The following ADGRL3 variants were observed in gnomAD, a reference collection of about 807,000 sequenced individuals.
ADGRL3 encodes the protein calcium-independent alpha-latrotoxin receptor 3.
In ADGRL3, 62 loss-of-function variants were observed where a neutral mutation model predicts 153.5. That is an observed-to-expected ratio of 0.40 (90% CI 0.33 to 0.50). The LOEUF is 0.50. Among genes scored for constraint, ADGRL3 ranks in the 20% least tolerant of loss-of-function variants. The probability of loss-of-function intolerance (pLI) is 0.47; values close to 1 mark genes in which losing one functional copy is unlikely to be tolerated. For synonymous variants in ADGRL3, 710 were observed against 672.5 expected (o/e 1.06, Z -0.86); for missense variants, 1,641 against 1,859.4 (o/e 0.88, Z 2.16).
At chr4:61,590,353 GT>G (rs199580705) in intron 5 of ADGRL3, among the ~76,000 whole-genome samples, 2 of 151,410 alleles carry the variant, frequency 1.3e-5, no homozygotes, top group African/African-American at 2.4e-5. Context: ...ATTTCTTTTT[GT>G]TTTTTTATAT....
chr4:61,358,207 T>A (rs530563423), intron 1 of ADGRL3, among the ~76,000 whole-genome samples: 85 of 152,290 alleles, frequency 5.6e-4, no homozygotes, highest in Non-Finnish European at 1.1e-3. Flanking sequence ...ACCTATAATC[T>A]GTTCTCAACA....
intron 3 of ADGRL3, among the ~76,000 whole-genome samples, chr4:61,512,420 T>A (rs1016856034): frequency 1.3e-5 from 2 of 152,156 alleles, no homozygotes. Context: ...AGCCATCTTG[T>A]GGAGGCTTCG....
chr4:61,532,498 C>T (rs561068129), intron 4 of ADGRL3, among the ~76,000 whole-genome samples: 2 of 150,690 alleles, frequency 1.3e-5, no homozygotes, highest in Admixed American at 6.6e-5. Flanking sequence ...TTCAAGTACT[C>T]ATTTGTAAGT....
At chr4:61,952,844 A>T (rs557593283) in intron 17 of ADGRL3, among the ~76,000 whole-genome samples, 38 of 152,330 alleles carry the variant, frequency 2.5e-4, no homozygotes, top group Admixed American at 7.8e-4. Flanking sequence ...TGCTCAGTTC[A>T]TTGCCTAACA....
At chr4:61,271,048 G>A (rs2093145063) in intron 1 of ADGRL3, among the ~76,000 whole-genome samples, 1 of 151,728 alleles carries the variant, frequency 6.6e-6, no homozygotes, top group African/African-American at 2.4e-5. Context: ...GTAAAGGAAG[G>A]TATTAGTGTT....
In ADGRL3 at chr4:61,965,159, G is replaced by T. The variant is rs7681138; in HGVS notation, c.2806-14404G>T. On this transcript the variant is annotated intron_variant, in intron 17 of 26. Transcript: ENST00000683033. ...ACTATAAGCACCCACCACCATGCCC[G>T]GCTAATTTTTGTATTTTTTTGTAGA... is the stretch of plus-strand genomic sequence containing the variant. Among the ~76,000 whole-genome samples, 418 of 151,722 alleles carry T rather than the reference G, an allele frequency of 2.8e-3. 6 individuals are homozygous for T. Among genetic ancestry groups the T allele is most frequent in the Non-Finnish European group, 3.2e-3 (218 of 67,910 alleles).
At chr4:61,212,842 C>T (rs974125388) in intron 1 of ADGRL3, among the ~76,000 whole-genome samples, 4 of 151,998 alleles carry the variant, frequency 2.6e-5, no homozygotes, top group Admixed American at 1.3e-4. Context: ...ATGCTGTCAA[C>T]ATTTTTTTTT....
intron 2 of ADGRL3, among the ~76,000 whole-genome samples, chr4:61,432,655 T>TTTCTTTC (rs1553928415): frequency 8.5e-5 from 5 of 58,740 alleles, no homozygotes; most frequent in African/African-American, 1.3e-4. Flanking sequence ...TCTTTCTTTC[T>TTTCTTTC]TTTTTTTTTT....
At chr4:61,238,718 A>C (rs1277327982) in intron 1 of ADGRL3, among the ~76,000 whole-genome samples, 1 of 152,082 alleles carries the variant, frequency 6.6e-6, no homozygotes, top group East Asian at 1.9e-4. Flanking sequence ...CAATGTCCTC[A>C]TCTGTAAAAT....
intron 21 of ADGRL3, among the ~76,000 whole-genome samples, chr4:62,023,313 T>C (rs927724137): frequency 5.9e-5 from 9 of 152,206 alleles, no homozygotes; most frequent in African/African-American, 1.9e-4. Flanking sequence ...GAGTTGCTTC[T>C]TACAGTTGAG....
intron 21 of ADGRL3, among the ~76,000 whole-genome samples, chr4:62,006,828 C>T (rs2099161063): frequency 2.6e-5 from 4 of 152,040 alleles, no homozygotes; most frequent in Admixed American, 2.0e-4. Flanking sequence ...AAACTAATTT[C>T]TCTCACTAGT....
chr4:61,685,090 A>C (rs1015653339), intron 6 of ADGRL3, among the ~76,000 whole-genome samples: 6 of 151,624 alleles, frequency 4.0e-5, no homozygotes, highest in African/African-American at 1.5e-4. Context: ...TAATTTTTTT[A>C]ATTTTTAGTA....
At chr4:61,286,657 T>A (rs2093952735) in intron 1 of ADGRL3, among the ~76,000 whole-genome samples, 1 of 151,682 alleles carries the variant, frequency 6.6e-6, no homozygotes, top group African/African-American at 2.4e-5. Context: ...TTGACATGAT[T>A]TTTTTCCTTT....
chr4:61,678,792 G>A (rs1449362894), intron 6 of ADGRL3, among the ~76,000 whole-genome samples: 4 of 151,672 alleles, frequency 2.6e-5, no homozygotes, highest in Non-Finnish European at 5.9e-5. Context: ...ATACGTTGTA[G>A]CCTGATCGTG....
At chr4:61,635,382 T>C (rs994498386) in intron 5 of ADGRL3, among the ~76,000 whole-genome samples, 1 of 152,150 alleles carries the variant, frequency 6.6e-6, no homozygotes, top group Non-Finnish European at 1.5e-5. Context: ...ACCTCACAAG[T>C]GCAGTGCATT....
intron 1 of ADGRL3, among the ~76,000 whole-genome samples, chr4:61,378,358 T>G (rs2151857425): frequency 6.6e-6 from 1 of 152,172 alleles, no homozygotes; most frequent in African/African-American, 2.4e-5. Context: ...CACCCCCAGA[T>G]ACTTTATATA....
intron 17 of ADGRL3, among the ~76,000 whole-genome samples, chr4:61,962,591 T>TC (rs1315009455): frequency 1.3e-5 from 2 of 152,162 alleles, no homozygotes; most frequent in Admixed American, 1.3e-4. Context: ...CTTATTTTTT[T>TC]CCCTCATGAT....
chr4:61,953,877 A>G (rs1560424086), intron 17 of ADGRL3, among the ~76,000 whole-genome samples: 1 of 152,196 alleles, frequency 6.6e-6, no homozygotes, highest in South Asian at 2.1e-4. Context: ...TGCCTTGGGT[A>G]CACTACTCCT....
chr4:61,929,935 G>A (rs1351362981), intron 13 of ADGRL3, among the ~76,000 whole-genome samples: 1 of 152,114 alleles, frequency 6.6e-6, no homozygotes, highest in African/African-American at 2.4e-5. Flanking sequence ...AGCATTTTGG[G>A]AGGTCCGAGG....
Sources: allele counts gnomAD v4.1 joint callset (sites outside exome capture counted in the v4.1 genomes callset), GRCh38; gene constraint gnomAD v4.1.1; transcripts MANE v1.5; gene names NCBI Gene and HGNC (gene_info 2026-07-23, HGNC 2026-07-21).